Variants in ZNF862 observed in about 807,000 individuals in gnomAD.
ZNF862 encodes zinc finger protein 862.
ZNF862 carries 64 observed loss-of-function variants against 91.1 expected under a neutral mutation model. That is an observed-to-expected ratio of 0.70 (90% confidence interval 0.57 to 0.87). ZNF862 has a LOEUF of 0.87. Ranked by LOEUF, ZNF862 falls within the 40% of genes least tolerant of loss-of-function variation. The pLI, the probability that ZNF862 is intolerant of heterozygous loss-of-function variation, is 0.00. For missense variants in ZNF862, 1,459 were observed against 1,528.0 expected (o/e 0.95, Z 0.75); for synonymous variants, 631 against 618.1 (o/e 1.02, Z -0.31).
rs183537909 is a variant in ZNF862, at chr7:149,859,666, C to T, written c.1222+140C>T. On this transcript the variant is annotated intron_variant, in intron 6 of 7. Coordinates refer to ENST00000223210, the MANE Select transcript of ZNF862 (RefSeq NM_001099220.3). ...AGCCTGGCAGGAGGCCCTGGGTAGA[C>T]AAGATGAATAAGCAACTAACCCTGC... is the stretch of plus-strand genomic sequence containing the variant. 4.0e-3 allele frequency: 2,686 copies of T among 670,250 alleles called. 53 individuals are homozygous for T. Among genetic ancestry groups the T allele is most frequent in the South Asian group, 0.034 (1,792 of 52,264 alleles). The allele number at this position is 670,250 out of a possible 1,614,324, so 41.5% of individuals were successfully genotyped here.
Position 149,867,270 on chromosome 7 carries a change from A to G in ZNF862, c.*2986A>G, listed in dbSNP as rs1802765966. Reference sequence around the variant, plus strand: ...CCAGACCCTTGCTTCTCTCTCCTGCAGAGGATGAGTTTCTAGGGTGCTAAG... The same window carrying G: ...CCAGACCCTTGCTTCTCTCTCCTGCGGAGGATGAGTTTCTAGGGTGCTAAG... On this transcript the variant is annotated 3_prime_UTR_variant, in exon 8 of 8. Transcript: ENST00000223210. 6.6e-6 allele frequency: 1 copy of G among 152,248 alleles called. No individual in the cohort carries two copies. The highest frequency in any genetic ancestry group is 2.4e-5 in the African/African-American group (1 of 41,452). The allele number at this position is 152,248 out of a possible 1,614,324, so 9.4% of individuals were successfully genotyped here. A position where few individuals can be genotyped will look rare whatever the true frequency, so the allele number is the denominator to read the frequency against.
At chr7:149,863,544 C>T (rs780591727) in intron 7 of ZNF862, among the ~76,000 whole-genome samples, 4 of 152,110 alleles carry the variant, frequency 2.6e-5, no homozygotes, top group South Asian at 2.1e-4. Context: ...AAGGGAAAGC[C>T]GAGAGAGGGC....
At position 149,838,604 on chromosome 7, in the gene ZNF862, G is replaced by T; in HGVS notation, c.-8G>T. ...GAGGGGGCGGCACGGGCCTCCGAAA[G>T]CGGGGCCATGGAGCCCAGAGAGTCG... On this transcript the variant is annotated 5_prime_UTR_variant, in exon 1 of 8. Transcript: ENST00000223210. 1.6e-6 allele frequency: 2 copies of T among 1,224,882 alleles called. No individual in the cohort carries two copies. Among genetic ancestry groups the T allele is most frequent in the Non-Finnish European group, 2.0e-6 (2 of 979,244 alleles). The allele number at this position is 1,224,882 out of a possible 1,614,324, so 75.9% of individuals were successfully genotyped here.
intron 1 of ZNF862, among the ~76,000 whole-genome samples, 169 bp downstream of exon 1, chr7:149,838,804 G>C (rs1260914027): frequency 6.6e-6 from 1 of 152,254 alleles, no homozygotes; most frequent in African/African-American, 2.4e-5. Context: ...ACCCCGGGAG[G>C]GTGGCGGAGA....
In ZNF862 at chr7:149,860,615, C is replaced by T. The variant is rs751429927; in HGVS notation, c.1455C>T (p.Leu485=). 2 of 1,613,908 alleles carry T rather than the reference C, an allele frequency of 1.2e-6. No homozygotes were observed. The highest frequency in any genetic ancestry group is 2.2e-5 in the East Asian group (1 of 44,894). The change falls in exon 7 of 8, where the codon CTC becomes CTT. Residue 485 remains leucine (L), a synonymous_variant. Transcript: ENST00000223210. ...WLVIDPKETK[L]FCSACIERPN... The stretch of plus-strand genomic sequence containing the variant: ...TAATTGACCCCAAAGAGACCAAACT[C>T]TTCTGCTCAGCCTGCATAGAAAGAC...
intron 3 of ZNF862, 58 bp downstream of exon 3, chr7:149,846,313 C>A (rs568534770): frequency 1.4e-4 from 186 of 1,336,606 alleles, no homozygotes; most frequent in Non-Finnish European, 1.9e-4. Flanking sequence ...GCATGGGCAG[C>A]CCCAGGACTC....
In ZNF862 at chr7:149,861,803, C is replaced by T. The variant is rs1802515376; in HGVS notation, c.2643C>T (p.Ser881=). Residue 881 remains serine, a synonymous_variant, in exon 7 of 8, where the codon AGC becomes AGT. Transcript: ENST00000223210. The surrounding 1 kb of genome is among the most constrained non-coding windows in gnomAD (Gnocchi z 6.7). ...TLGRAYVALE[S]LRHQAGPKEE... ...GCCGCGCCTACGTGGCACTGGAGAG[C>T]CTCCGTCACCAGGCAGGGCCCAAAG... 2 of 1,613,536 alleles carry T rather than the reference C, an allele frequency of 1.2e-6. No homozygotes were observed. Among genetic ancestry groups the T allele is most frequent in the Non-Finnish European group, 1.7e-6 (2 of 1,179,880 alleles).
chr7:149,861,748 T>C lies in ZNF862; in HGVS notation c.2588T>C (p.Val863Ala). 6.2e-7 allele frequency: 1 copy of C among 1,613,652 alleles called. No homozygotes were observed. The highest frequency in any genetic ancestry group is 1.3e-5 in the African/African-American group (1 of 75,044). Reference protein sequence around the residue: ...PLSEVCQKEIVLITEVNATLG... With the variant: ...PLSEVCQKEIALITEVNATLG... ...TCCGAGGTGTGCCAGAAGGAGATCG[T>C]GCTGATTACAGAGGTGAACGCCACG... Residue 863 changes from valine (V) to alanine (A), a missense_variant, in exon 7 of 8, where the codon GTG becomes GCG. Val to Ala is a moderately conservative substitution (Grantham distance 64). Transcript: ENST00000223210. This position sits in a 1 kb window ranked among gnomAD's most constrained non-coding sequence, Gnocchi z 6.7.
Position 149,862,693 on chromosome 7 carries a change from A to C in ZNF862, c.3334+199A>C, listed in dbSNP as rs28369636. Among the ~76,000 whole-genome samples the C allele has an allele frequency of 3.7e-3, 563 of 152,356 alleles. 6 individuals carry two copies. Among genetic ancestry groups the C allele is most frequent in the African/African-American group, 0.013 (541 of 41,590 alleles). ...ATGACGCACATGTGCTCTAGGCAGCAGGGCTTAGTGCAGAGAGCGTGCATT... is the reference window on the plus strand; with the variant it reads ...ATGACGCACATGTGCTCTAGGCAGCCGGGCTTAGTGCAGAGAGCGTGCATT... On this transcript the variant is annotated intron_variant, in intron 7 of 7. Coordinates refer to ENST00000223210, the MANE Select transcript of ZNF862 (RefSeq NM_001099220.3).
At chr7:149,840,085 G>A (rs917238600) in intron 1 of ZNF862, among the ~76,000 whole-genome samples, 5 of 149,914 alleles carry the variant, frequency 3.3e-5, no homozygotes, top group African/African-American at 1.2e-4. Flanking sequence ...CAGTGGGGCT[G>A]AGAAATTCCT....
At position 149,862,376 on chromosome 7, in the gene ZNF862, C is replaced by T. The variant is rs2074701; in HGVS notation, c.3216C>T (p.Gly1072=). The T allele has an allele frequency of 0.56, 899,298 of 1,611,558 alleles. 254,893 individuals carry two copies. The highest frequency in any genetic ancestry group is 0.59 in the Non-Finnish European group (697,366 of 1,179,042). Reference sequence around the variant, plus strand: ...TGCTCATGATGACAGCTGTGAACGGCGTGGCCGTCACGGAGTACGACCCCC... The same window carrying T: ...TGCTCATGATGACAGCTGTGAACGGTGTGGCCGTCACGGAGTACGACCCCC... ...LNMLMMTAVN[G]VAVTEYDPQP... is the part of the protein sequence containing the mutation. Residue 1072 remains glycine (G), a synonymous_variant, in exon 7 of 8, where the codon GGC becomes GGT. Coordinates refer to ENST00000223210, the MANE Select transcript of ZNF862 (RefSeq NM_001099220.3).
chr7:149,841,720 T>C (rs1040984237), intron 1 of ZNF862: 2 of 985,336 alleles, frequency 2.0e-6, no homozygotes, highest in African/African-American at 3.5e-5. Flanking sequence ...CTGTATGTAT[T>C]TGTTGCCTCA....
At chr7:149,844,901 A>G in intron 2 of ZNF862, 165 bp downstream of exon 2, 1 of 579,782 alleles carries the variant, frequency 1.7e-6, no homozygotes, top group Non-Finnish European at 3.1e-6. Context: ...ATTGCATGCA[A>G]ATTCACACAT....
At position 149,860,394 on chromosome 7, in the gene ZNF862, A is replaced by G. The variant is rs763253647; in HGVS notation, c.1234A>G (p.Met412Val). ...AATTTTCTCCAAAGGGAACAAGAAG[A>G]TGGTGGCAGTGAGAGAGGCAGACAC... ...GKGRPPGNKK[M>V]VAVREADTQA... The change falls in exon 7 of 8, where the codon ATG (methionine) becomes GTG (valine). Residue 412 changes from methionine to valine, a missense_variant. Coordinates refer to ENST00000223210, the MANE Select transcript of ZNF862 (RefSeq NM_001099220.3). 4 of 1,609,540 alleles carry G rather than the reference A, an allele frequency of 2.5e-6. No homozygotes were observed. Among genetic ancestry groups the G allele is most frequent in the East Asian group, 2.2e-5 (1 of 44,840 alleles).
In ZNF862 at chr7:149,848,354, A is replaced by C; in HGVS notation, c.861A>C (p.Gln287His). ...MYLDCISDLR[Q>H]KEITDGIHSS... ...TAGACTGCATTTCAGATTTGAGGCA[A>C]AAAGAAATCACTGATGGCATCCACA... Residue 287 changes from glutamine (Q) to histidine (H), a missense_variant, in exon 4 of 8, where the codon CAA (glutamine) becomes CAC (histidine). Coordinates refer to ENST00000223210, the MANE Select transcript of ZNF862 (RefSeq NM_001099220.3). 3.1e-6 allele frequency: 5 copies of C among 1,605,984 alleles called. No individual in the cohort carries two copies. Among genetic ancestry groups the C allele is most frequent in the Non-Finnish European group, 4.3e-6 (5 of 1,175,908 alleles).
chr7:149,863,079 A>C (rs895161956), intron 7 of ZNF862, among the ~76,000 whole-genome samples: 5 of 152,202 alleles, frequency 3.3e-5, no homozygotes, highest in African/African-American at 1.2e-4. Context: ...CTCACGGGGC[A>C]GGGGAGAACA....
Position 149,850,488 on chromosome 7 carries a change from C to G in ZNF862, c.1117+150C>G, listed in dbSNP as rs1802034743. 5.3e-6 allele frequency: 4 copies of G among 750,296 alleles called. 1 individual carries two copies. In the South Asian group the frequency reaches 7.6e-5, roughly 14 times the overall value. 46.5% of individuals were successfully genotyped at this position (750,296 alleles called of 1,614,324 possible). A position where few individuals can be genotyped will look rare whatever the true frequency, so the allele number is the denominator to read the frequency against. On this transcript the variant is annotated intron_variant, in intron 5 of 7. Coordinates refer to ENST00000223210, the MANE Select transcript of ZNF862 (RefSeq NM_001099220.3). The surrounding 1 kb of genome is among the most constrained non-coding windows in gnomAD (Gnocchi z 4.2). ...CTGTCTTTTGCACCTCATAACTCCC[C>G]TGCTTGGGGTAACTGTGCTTTATCA...
chr7:149,850,282 A>G lies in ZNF862; in HGVS notation c.1061A>G (p.Gln354Arg). The change falls in exon 5 of 8, where the codon CAG becomes CGG. Residue 354 changes from glutamine to arginine, a missense_variant. Gln to Arg is a conservative substitution (Grantham distance 43). Coordinates refer to ENST00000223210, the MANE Select transcript of ZNF862 (RefSeq NM_001099220.3). This position sits in a 1 kb window ranked among gnomAD's most constrained non-coding sequence, Gnocchi z 4.2. ...GAGTGGGGCATGCTAGACAAGCGGC[A>G]GAAGGAGCTGTACAGAGACGTGATG... Reference protein sequence around the residue: ...REEWGMLDKRQKELYRDVMRM... With the variant: ...REEWGMLDKRRKELYRDVMRM... 2 of 1,613,884 alleles carry G rather than the reference A, an allele frequency of 1.2e-6. No individual in the cohort carries two copies. Among genetic ancestry groups the G allele is most frequent in the African/African-American group, 1.3e-5 (1 of 75,024 alleles).
In ZNF862 at chr7:149,861,352, T is replaced by C. The variant is rs747914033; in HGVS notation, c.2192T>C (p.Leu731Pro). The C allele has an allele frequency of 1.4e-5, 23 of 1,612,968 alleles. No individual in the cohort carries two copies. ...PVHCVAHRLHLAVVDACGSID... is the reference protein window; with the variant it reads ...PVHCVAHRLHPAVVDACGSID... Reference sequence around the variant, plus strand: ...CACTGCGTGGCCCACCGGCTGCACCTGGCTGTGGTGGACGCCTGCGGGAGC... The same window carrying C: ...CACTGCGTGGCCCACCGGCTGCACCCGGCTGTGGTGGACGCCTGCGGGAGC... Residue 731 changes from leucine (L) to proline (P), a missense_variant, in exon 7 of 8, where the codon CTG becomes CCG. By Grantham distance (98) the Leu-to-Pro change is moderately conservative. Coordinates refer to ENST00000223210, the MANE Select transcript of ZNF862 (RefSeq NM_001099220.3). The surrounding 1 kb of genome is among the most constrained non-coding windows in gnomAD (Gnocchi z 6.7).
Sources: gnomAD v4.1 joint callset for allele counts (sites outside exome capture counted in the v4.1 genomes callset) on GRCh38, gnomAD v4.1.1 for gene constraint, Gnocchi (gnomAD v3.1) non-coding constraint, MANE v1.5 for transcripts, NCBI Gene and HGNC (gene_info 2026-07-23, HGNC 2026-07-21) for gene names.